Variants in PCNT observed in about 807,000 individuals in gnomAD.
The protein encoded by PCNT is kendrin.
Under a neutral mutation model 380.4 loss-of-function variants are expected in PCNT, and 319 were observed. The ratio of observed to expected loss-of-function variants is 0.84; its 90% CI spans 0.77 to 0.92. The LOEUF (loss-of-function observed/expected upper bound fraction) is 0.92. Ranked by LOEUF, PCNT falls within the 40% of genes least tolerant of loss-of-function variation. PCNT has a pLI of 0.00. For missense variants in PCNT, 4,400 were observed against 4,255.3 expected, an observed-to-expected ratio of 1.03 and a Z score of -0.95; for synonymous variants, 1,845 against 1,735.2, an observed-to-expected ratio of 1.06 and a Z score of -1.57.
At chr21:46,326,740 G>T in intron 2 of PCNT, 151 bp downstream of exon 2, 2 of 905,682 alleles carry the variant, frequency 2.2e-6, no homozygotes. Context: ...AGGGCCGGGT[G>T]CAGTGGCTTA....
rs144869229 is a variant in PCNT at position 46,430,122 on chromosome 21, G to A, written c.7803G>A (p.Ala2601=). The A allele has an allele frequency of 9.6e-4, 1,554 of 1,614,196 alleles. 7 individuals carry two copies. Among genetic ancestry groups the A allele is most frequent in the Middle Eastern group, 6.1e-3 (37 of 6,060 alleles). ...ACAGCGTGCAGAAGCTCCTGGCGGC[G>A]GAGCAGACTGTAGTGCGAGATTTGA... The part of the protein sequence containing the change: ...KANSVQKLLA[A]EQTVVRDLKS... The change falls in exon 36 of 47, where the codon GCG becomes GCA. Residue 2601 remains alanine, a synonymous_variant. Coordinates refer to ENST00000359568, the MANE Select transcript of PCNT (RefSeq NM_006031.6).
chr21:46,384,650 T>TGC (rs1020163378), intron 16 of PCNT, among the ~76,000 whole-genome samples: 5 of 111,836 alleles, frequency 4.5e-5, no homozygotes, highest in African/African-American at 6.2e-5. Flanking sequence ...GGGGCGGAAG[T>TGC]GCATTCACGG....
chr21:46,364,406 GCCC>G (rs996744868), intron 14 of PCNT, among the ~76,000 whole-genome samples: 4 of 151,516 alleles, frequency 2.6e-5, no homozygotes, highest in African/African-American at 4.8e-5. Flanking sequence ...CCGCCCCAAA[GCCC>G]CCCAAGTCTG....
Position 46,425,688 on chromosome 21 carries a change from T to G in PCNT, c.7180-143T>G. 1 of 1,150,128 alleles carries G rather than the reference T, an allele frequency of 8.7e-7. No homozygotes were observed. The highest frequency in any genetic ancestry group is 1.3e-6 in the Non-Finnish European group (1 of 776,256). The allele number at this position is 1,150,128 out of a possible 1,614,324, so 71.2% of individuals were successfully genotyped here. A position where few individuals can be genotyped will look rare whatever the true frequency, so the allele number is the denominator to read the frequency against. On this transcript the variant is annotated intron_variant, in intron 32 of 46. Coordinates refer to ENST00000359568, the MANE Select transcript of PCNT (RefSeq NM_006031.6). This position sits in a 1 kb window ranked among gnomAD's most constrained non-coding sequence, Gnocchi z 4.2. The stretch of plus-strand genomic sequence containing the variant: ...TAGCTTGAGAAGTGGGTGCCGCCTG[T>G]ACGAAGCCGAGGCGGTGCCCTCCCT...
At chr21:46,344,284 C>T (rs2083997206) in intron 3 of PCNT, among the ~76,000 whole-genome samples, 1 of 152,070 alleles carries the variant, frequency 6.6e-6, no homozygotes, top group Non-Finnish European at 1.5e-5. Context: ...CCATGTTGGC[C>T]AGGATGTTCT....
chr21:46,376,180 G>A (rs1384869107), intron 15 of PCNT, among the ~76,000 whole-genome samples: 1 of 152,196 alleles, frequency 6.6e-6, no homozygotes, highest in Non-Finnish European at 1.5e-5. Flanking sequence ...GGCGTAGTTT[G>A]GGACGCCTGG....
Position 46,401,710 on chromosome 21 carries a change from C to T in PCNT, c.4951C>T (p.Arg1651Cys), listed in dbSNP as rs143358433. 11 of 1,613,860 alleles carry T rather than the reference C, an allele frequency of 6.8e-6. No homozygotes were observed. Among genetic ancestry groups the T allele is most frequent in the South Asian group, 5.5e-5 (5 of 91,064 alleles). ...LEVTQRALLR[R>C]ESEVLDLKEQ... ...GGTGACACAGAGAGCACTCCTGCGG[C>T]GCGAGAGCGAGGTGAGTGCAGAGTG... The change falls in exon 26 of 47, where the codon CGC becomes TGC. Residue 1651 changes from arginine (R) to cysteine (C), a missense_variant. Transcript: ENST00000359568.
At position 46,363,741 on chromosome 21, in the gene PCNT, C is replaced by A; in HGVS notation, c.2416C>A (p.Gln806Lys). The A allele has an allele frequency of 6.2e-7, 1 of 1,614,236 alleles. No individual in the cohort carries two copies. Among genetic ancestry groups the A allele is most frequent in the Non-Finnish European group, 8.5e-7 (1 of 1,180,030 alleles). Residue 806 changes from glutamine (Q) to lysine (K), a missense_variant, in exon 14 of 47, where the codon CAG becomes AAG. Gln to Lys is a moderately conservative substitution (Grantham distance 53). Coordinates refer to ENST00000359568, the MANE Select transcript of PCNT (RefSeq NM_006031.6). ...MRQLQDQQAA[Q>K]ILDLERSLTE... ...GCAGCTTCAGGACCAACAGGCAGCC[C>A]AGATCCTGGATCTGGAGAGGTCCTT...
Position 46,416,722 on chromosome 21 carries a change from G to A in PCNT, c.6804G>A (p.Leu2268=). 6.3e-7 allele frequency: 1 copy of A among 1,583,728 alleles called. No individual in the cohort carries two copies. The highest frequency in any genetic ancestry group is 8.6e-7 in the Non-Finnish European group (1 of 1,162,676). ...TGGGGGACAGGGCGGACACCTCGCT[G>A]CCACAGACCCAGGGGCCGGGGCTGC... ...TSLGDRADTS[L]PQTQGPGLLC... Residue 2268 remains leucine, a synonymous_variant, in exon 30 of 47, where the codon CTG becomes CTA. Coordinates refer to ENST00000359568, the MANE Select transcript of PCNT (RefSeq NM_006031.6).
intron 13 of PCNT, among the ~76,000 whole-genome samples, chr21:46,362,580 T>A (rs2084758701): frequency 6.6e-6 from 1 of 151,426 alleles, no homozygotes; most frequent in Non-Finnish European, 1.5e-5. Flanking sequence ...TTACGTGCCT[T>A]TTTTTGGGTT....
intron 2 of PCNT, among the ~76,000 whole-genome samples, chr21:46,331,197 C>T (rs998230498): frequency 2.0e-5 from 3 of 152,026 alleles, no homozygotes; most frequent in African/African-American, 7.2e-5. Context: ...CTCCCTCTGG[C>T]GCCCAGGCTG....
rs1039604255 is a variant in PCNT, at chr21:46,390,895, T to G, written c.4003+63T>G. The G allele has an allele frequency of 3.9e-6, 6 of 1,539,336 alleles. No homozygotes were observed. In the African/African-American group the frequency reaches 8.2e-5, roughly 21 times the overall value. ...GCACGGGGAGCAGGCCTGGCCTCAC[T>G]GAGGGAAGGAAGCCTTCAGAATAGG... On this transcript the variant is annotated intron_variant, in intron 20 of 46. Transcript: ENST00000359568.
chr21:46,335,057 T>C (rs777294731), intron 3 of PCNT, among the ~76,000 whole-genome samples: 4 of 152,222 alleles, frequency 2.6e-5, no homozygotes, highest in Non-Finnish European at 5.9e-5. Context: ...CCATGGGACA[T>C]TGAAGAGAAG....
intron 32 of PCNT, 21 bp downstream of exon 32, chr21:46,422,145 C>T (rs768086952): frequency 6.2e-7 from 1 of 1,612,650 alleles, no homozygotes; most frequent in East Asian, 2.2e-5. Flanking sequence ...CAGGGGCGGC[C>T]CTCACAGCTT....
At position 46,363,453 on chromosome 21, in the gene PCNT, T is replaced by C. The variant is rs979728281; in HGVS notation, c.2155-27T>C. On this transcript the variant is annotated intron_variant, in intron 13 of 46. Transcript: ENST00000359568. ...TAATCTCTTCCATTAGCGTCTTTCC[T>C]CCTAAATGAAATTATGTTGTCTGTA... 2.5e-6 allele frequency: 4 copies of C among 1,577,810 alleles called. No individual in the cohort carries two copies. The African/African-American group carries it at 4.0e-5, about 16-fold the overall frequency.
At chr21:46,331,617 T>G (rs1230880226) in intron 2 of PCNT, among the ~76,000 whole-genome samples, 1 of 151,604 alleles carries the variant, frequency 6.6e-6, no homozygotes, top group Non-Finnish European at 1.5e-5. Flanking sequence ...AATATAAAAA[T>G]TAGCTGGGCA....
At position 46,390,852 on chromosome 21, in the gene PCNT, G is replaced by A. The variant is rs780897698; in HGVS notation, c.4003+20G>A. ...CTCAGGGTGAGCAGCATGAGGCCTC[G>A]GGGCACCTGGAGCACAGGCACGGGG... On this transcript the variant is annotated intron_variant, in intron 20 of 46. Coordinates refer to ENST00000359568, the MANE Select transcript of PCNT (RefSeq NM_006031.6). 13 of 1,602,170 alleles carry A rather than the reference G, an allele frequency of 8.1e-6. No homozygotes were observed. The highest frequency in any genetic ancestry group is 2.2e-5 in the South Asian group (2 of 89,840).
chr21:46,383,457 T>C (rs554683581), intron 16 of PCNT, among the ~76,000 whole-genome samples: 20 of 142,364 alleles, frequency 1.4e-4, no homozygotes, highest in African/African-American at 5.2e-4. Flanking sequence ...GTGCGTTCAG[T>C]GGCAGAAGCG....
rs762215892 is a variant in PCNT, at chr21:46,346,917, C to T, written c.895C>T (p.Gln299Ter). ...AQELALLQSR[Q>*]QHELELLREQ... ...GGAGCTGGCCCTGCTACAGAGCAGG[C>T]AGCAGCACGAGCTGGAGCTCCTCAG... Residue 299 changes from glutamine to a stop codon, truncating the protein, a stop_gained, in exon 5 of 47, where the codon CAG becomes TAG. Coordinates refer to ENST00000359568, the MANE Select transcript of PCNT (RefSeq NM_006031.6). LOFTEE classifies it high-confidence loss of function. 1 of 1,601,456 alleles carries T rather than the reference C, an allele frequency of 6.2e-7. No individual in the cohort carries two copies. Among genetic ancestry groups the T allele is most frequent in the South Asian group, 1.1e-5 (1 of 88,540 alleles).
Sources: allele counts gnomAD v4.1 joint callset (sites outside exome capture counted in the v4.1 genomes callset), GRCh38; gene constraint gnomAD v4.1.1; non-coding constraint Gnocchi (gnomAD v3.1); transcripts MANE v1.5; gene names NCBI Gene and HGNC (gene_info 2026-07-23, HGNC 2026-07-21).